The following PIP4P2 variants were observed in gnomAD, a reference collection of about 807,000 sequenced individuals.
PIP4P2 encodes phosphatidylinositol-4,5-bisphosphate 4-phosphatase 2.
PIP4P2 carries 19 observed loss-of-function variants against 33.3 expected under a neutral mutation model. That is an observed-to-expected ratio of 0.57 (90% confidence interval 0.40 to 0.84). The LOEUF is 0.84. Among genes scored for constraint, PIP4P2 ranks in the 40% least tolerant of loss-of-function variants. PIP4P2 has a pLI of 0.00. For synonymous variants in PIP4P2, 110 were observed against 111.9 expected, an observed-to-expected ratio of 0.98 and a Z score of 0.11; for missense variants, 270 against 324.7, an observed-to-expected ratio of 0.83 and a Z score of 1.29.
chr8:91,002,716 G>A (rs1811715251), intron 5 of PIP4P2, among the ~76,000 whole-genome samples: 1 of 152,162 alleles, frequency 6.6e-6, no homozygotes, highest in Non-Finnish European at 1.5e-5. Flanking sequence ...TGTTTCTACA[G>A]ATGAAGAGTA....
At chr8:91,035,151 T>C (rs1812218229) in intron 1 of PIP4P2, among the ~76,000 whole-genome samples, 1 of 152,226 alleles carries the variant, frequency 6.6e-6, no homozygotes, top group Non-Finnish European at 1.5e-5. Flanking sequence ...ACATGTTTTT[T>C]AAAGGTGAAA....
chr8:90,998,743 T>C (rs1037480590), intron 5 of PIP4P2, among the ~76,000 whole-genome samples: 1 of 151,964 alleles, frequency 6.6e-6, no homozygotes, highest in African/African-American at 2.4e-5. Flanking sequence ...TCCTTCCTCA[T>C]ACCAAATTTA....
intron 1 of PIP4P2, among the ~76,000 whole-genome samples, chr8:91,025,789 A>G (rs1015310684): frequency 6.6e-6 from 1 of 152,178 alleles, no homozygotes; most frequent in African/African-American, 2.4e-5. Flanking sequence ...CATTTTCCCT[A>G]GTATCTTTGT....
chr8:91,019,368 G>A (rs1241950327), intron 3 of PIP4P2, among the ~76,000 whole-genome samples: 8 of 122,756 alleles, frequency 6.5e-5, no homozygotes, highest in South Asian at 5.3e-4. Flanking sequence ...AAGACAGCCC[G>A]GGCAATATGG....
At chr8:91,004,601 G>C (rs150712130) in intron 5 of PIP4P2, among the ~76,000 whole-genome samples, 1 of 152,150 alleles carries the variant, frequency 6.6e-6, no homozygotes. Flanking sequence ...TTTCATTAGA[G>C]CAAATTCAGT....
chr8:91,015,482 G>A (rs550945155), intron 4 of PIP4P2, among the ~76,000 whole-genome samples: 1 of 152,234 alleles, frequency 6.6e-6, no homozygotes, highest in Admixed American at 6.5e-5. Context: ...AATAGAAAAA[G>A]TAGTGAGAAA....
chr8:91,039,090 G>A (rs900814769), intron 1 of PIP4P2, among the ~76,000 whole-genome samples: 8 of 152,110 alleles, frequency 5.3e-5, no homozygotes, highest in African/African-American at 1.7e-4. Flanking sequence ...TAGGTTATAG[G>A]ACAAATACTT....
intron 4 of PIP4P2, among the ~76,000 whole-genome samples, chr8:91,016,075 A>C (rs1293266679): frequency 3.9e-5 from 6 of 152,244 alleles, no homozygotes; most frequent in African/African-American, 7.2e-5. Context: ...GCTTCTAAGA[A>C]AAGTTACTAT....
intron 5 of PIP4P2, among the ~76,000 whole-genome samples, chr8:90,998,384 A>G (rs1811657090): frequency 6.6e-6 from 1 of 152,056 alleles, no homozygotes; most frequent in Non-Finnish European, 1.5e-5. Flanking sequence ...TAGTCACTAC[A>G]TCTGAGAAAT....
chr8:91,020,316 C>A, intron 2 of PIP4P2, 53 bp from the exon 3 acceptor site: 2 of 1,535,010 alleles, frequency 1.3e-6, no homozygotes, highest in East Asian at 2.3e-5. Context: ...TACAGATTGT[C>A]AAAGTTTGTT....
At chr8:91,027,719 T>A (rs1812101805) in intron 1 of PIP4P2, among the ~76,000 whole-genome samples, 1 of 152,224 alleles carries the variant, frequency 6.6e-6, no homozygotes, top group South Asian at 2.1e-4. Flanking sequence ...GTTAATTGGT[T>A]GATGAAGACT....
At chr8:91,035,358 G>A (rs1221271436) in intron 1 of PIP4P2, among the ~76,000 whole-genome samples, 2 of 152,180 alleles carry the variant, frequency 1.3e-5, no homozygotes, top group African/African-American at 4.8e-5. Flanking sequence ...TTTAAAAAGA[G>A]CTTGAATATA....
chr8:91,034,992 A>C (rs1812216628), intron 1 of PIP4P2, among the ~76,000 whole-genome samples: 1 of 152,222 alleles, frequency 6.6e-6, no homozygotes, highest in Non-Finnish European at 1.5e-5. Context: ...CAGGTATAGG[A>C]CATGAGAGTC....
intron 4 of PIP4P2, chr8:91,016,520 A>G (rs539929439): frequency 6.6e-6 from 1 of 152,324 alleles, no homozygotes. Flanking sequence ...AAAGACTTTA[A>G]ATTTCTGAAA....
At chr8:90,999,448 G>T (rs1811674099) in intron 5 of PIP4P2, among the ~76,000 whole-genome samples, 1 of 152,042 alleles carries the variant, frequency 6.6e-6, no homozygotes, top group Non-Finnish European at 1.5e-5. Context: ...CAACATTCCT[G>T]CCAGTTGGCT....
intron 4 of PIP4P2, chr8:91,016,455 T>A (rs942349225): frequency 6.6e-6 from 1 of 152,166 alleles, no homozygotes; most frequent in Non-Finnish European, 1.5e-5. Flanking sequence ...AAATATGTCA[T>A]ATCAAAAGGA....
intron 3 of PIP4P2, among the ~76,000 whole-genome samples, chr8:91,019,417 AAAAAAAAT>A (rs1586181280): frequency 1.4e-5 from 2 of 146,308 alleles, no homozygotes; most frequent in African/African-American, 2.5e-5. Flanking sequence ...AAAAAAAAAA[AAAAAAAAT>A]ATATTACCTG....
chr8:91,022,411 T>C (rs1249280743), intron 1 of PIP4P2, among the ~76,000 whole-genome samples: 5 of 152,108 alleles, frequency 3.3e-5, no homozygotes, highest in African/African-American at 2.4e-5. Context: ...AATCCTGATA[T>C]ACTACTCTGG....
At chr8:91,010,530 A>G (rs1306027256) in intron 4 of PIP4P2, among the ~76,000 whole-genome samples, 1 of 151,930 alleles carries the variant, frequency 6.6e-6, no homozygotes, top group African/African-American at 2.4e-5. Flanking sequence ...TAGGGACTTT[A>G]TTCTGTAATT....
Sources: allele counts gnomAD v4.1 joint callset (sites outside exome capture counted in the v4.1 genomes callset), GRCh38; gene constraint gnomAD v4.1.1; transcripts MANE v1.5; gene names NCBI Gene and HGNC (gene_info 2026-07-23, HGNC 2026-07-21).